Variants in MRPL44 observed in about 807,000 individuals in gnomAD.
MRPL44 encodes the protein mitochondrial ribosomal protein L44.
MRPL44 carries 21 observed loss-of-function variants against 25.9 expected under a neutral mutation model. The observed-to-expected ratio is 0.81, with a 90% CI of 0.58 to 1.17. The LOEUF is 1.17. Among genes scored for constraint, MRPL44 ranks in the 50% most tolerant of loss-of-function variants. The pLI is 0.00. For missense variants in MRPL44, 410 were observed against 398.9 expected (o/e 1.03, Z -0.24); for synonymous variants, 169 against 151.0 (o/e 1.12, Z -0.87).
At chr2:223,960,086 T>A in intron 2 of MRPL44, 84 bp downstream of exon 2, 1 of 1,147,298 alleles carries the variant, frequency 8.7e-7, no homozygotes, top group Non-Finnish European at 1.2e-6. Context: ...TATATCACCT[T>A]GGAAGTGAAT....
At chr2:223,966,175 G>A (rs1689737941) in intron 3 of MRPL44, among the ~76,000 whole-genome samples, 1 of 151,210 alleles carries the variant, frequency 6.6e-6, no homozygotes, top group African/African-American at 2.4e-5. Flanking sequence ...GGCGGAGCCT[G>A]CAGTGAGCCA....
In MRPL44 at chr2:223,957,769, T is replaced by C; in HGVS notation, c.179+118T>C. 13 of 1,195,878 alleles carry C rather than the reference T, an allele frequency of 1.1e-5. No homozygotes were observed. In the South Asian group the frequency reaches 2.0e-4, roughly 19 times the overall value. 74.1% of individuals were successfully genotyped at this position (1,195,878 alleles called of 1,614,324 possible). A position where few individuals can be genotyped will look rare whatever the true frequency, so the allele number is the denominator to read the frequency against. On this transcript the variant is annotated intron_variant, in intron 1 of 3. Transcript: ENST00000258383. ...GGGTTAAGCCTTAGGAAGTTTGCGATGGAGACACCCGTGAGCTGTGGGCGC... is the reference window on the plus strand; with the variant it reads ...GGGTTAAGCCTTAGGAAGTTTGCGACGGAGACACCCGTGAGCTGTGGGCGC...
chr2:223,962,950 C>T (rs571414188), intron 2 of MRPL44, among the ~76,000 whole-genome samples: 34 of 152,278 alleles, frequency 2.2e-4, no homozygotes, highest in Middle Eastern at 3.4e-3. Context: ...GATCTGCCTG[C>T]CTTGGCCTCC....
rs1271522825 is a variant in MRPL44 at position 223,963,771 on chromosome 2, C to CAA, written c.666_667dup (p.Met223LysfsTer2). 6.3e-7 allele frequency: 1 copy of CAA among 1,599,248 alleles called. No individual in the cohort carries two copies. The highest frequency in any genetic ancestry group is 2.3e-5 in the East Asian group (1 of 44,430). Reference sequence around the variant, plus strand: ...TTATATGCAGGACTTCTTAATTACTCAAATGACTGGAAAAGAGCTCTTTGA... The same window carrying CAA: ...TTATATGCAGGACTTCTTAATTACTCAAAAATGACTGGAAAAGAGCTCTTTGA... On this transcript the variant is annotated frameshift_variant, in exon 3 of 4. Transcript: ENST00000258383. LOFTEE classifies it high-confidence loss of function.
the MRPL44 span, among the ~76,000 whole-genome samples, chr2:223,951,480 T>TTTTTTTGTTTTGTTTTTTG: frequency 7.5e-6 from 1 of 132,700 alleles, no homozygotes; most frequent in African/African-American, 3.5e-5. Context: ...ACCTTGGAGT[T>TTTTTTTGTTTTGTTTTTTG]TTTTTTTTTT....
chr2:223,962,721 C>A (rs1689682928), intron 2 of MRPL44, among the ~76,000 whole-genome samples: 1 of 152,002 alleles, frequency 6.6e-6, no homozygotes, highest in African/African-American at 2.4e-5. Context: ...TTTTTTGAGA[C>A]AGAGTCTTGC....
At chr2:223,958,996 T>C (rs1209700463) in intron 1 of MRPL44, among the ~76,000 whole-genome samples, 3 of 152,204 alleles carry the variant, frequency 2.0e-5, no homozygotes, top group Non-Finnish European at 4.4e-5. Context: ...GCAATAAATC[T>C]GTGAAGCACA....
chr2:223,966,828 A>G (rs771821633), intron 3 of MRPL44, 35 bp from the exon 4 acceptor site: 47 of 1,584,426 alleles, frequency 3.0e-5, no homozygotes, highest in Non-Finnish European at 3.7e-5. Context: ...ACAATATTCC[A>G]TGTAATTTAA....
chr2:223,958,209 TTAA>T (rs773742078), intron 1 of MRPL44, among the ~76,000 whole-genome samples: 11 of 152,208 alleles, frequency 7.2e-5, no homozygotes, highest in Non-Finnish European at 1.3e-4. Flanking sequence ...CTTTTTCTCT[TTAA>T]TAATGTGTGT....
At chr2:223,965,276 A>G (rs1689723823) in intron 3 of MRPL44, among the ~76,000 whole-genome samples, 1 of 152,216 alleles carries the variant, frequency 6.6e-6, no homozygotes, top group African/African-American at 2.4e-5. Flanking sequence ...GTTTAACTTA[A>G]TAGAACCTTT....
At chr2:223,955,618 T>C (rs1453217458), upstream of MRPL44, among the ~76,000 whole-genome samples, 1 of 152,158 alleles carries the variant, frequency 6.6e-6, no homozygotes, top group Non-Finnish European at 1.5e-5. Context: ...AAGTGAACCC[T>C]CAATCGCCTC....
At chr2:223,959,191 C>T (rs114793971) in intron 1 of MRPL44, among the ~76,000 whole-genome samples, 15 of 152,152 alleles carry the variant, frequency 9.9e-5, no homozygotes, top group Non-Finnish European at 2.1e-4. Flanking sequence ...AACATTTATG[C>T]TTCATACTTA....
chr2:223,963,733 A>G (rs758779726), intron 2 of MRPL44, 23 bp from the exon 3 acceptor site: 8 of 1,458,584 alleles, frequency 5.5e-6, no homozygotes, highest in Middle Eastern at 2.0e-4. Flanking sequence ...ATTAAAATGT[A>G]TAAATTATAT....
At chr2:223,962,302 A>G (rs926366476) in intron 2 of MRPL44, among the ~76,000 whole-genome samples, 1 of 152,184 alleles carries the variant, frequency 6.6e-6, no homozygotes, top group African/African-American at 2.4e-5. Flanking sequence ...TGCTGGGATT[A>G]TAGGTATCAG....
rs1462648841 is a variant in MRPL44, at chr2:223,966,944, ACTT to A, written c.910_912del (p.Leu304del). ...AGGCTGCTCGAGTGGCCCTTAGAAA[ACTT>A]TATGGATTCACAGAAAATAGACGGC... On this transcript the variant is annotated inframe_deletion, in exon 4 of 4. Transcript: ENST00000258383. 3 of 1,614,192 alleles carry A rather than the reference ACTT, an allele frequency of 1.9e-6. No individual in the cohort carries two copies. Among genetic ancestry groups the A allele is most frequent in the Non-Finnish European group, 2.5e-6 (3 of 1,180,028 alleles).
upstream of MRPL44, among the ~76,000 whole-genome samples, chr2:223,955,538 C>A (rs1358502637): frequency 4.6e-5 from 7 of 152,154 alleles, no homozygotes; most frequent in Non-Finnish European, 7.3e-5. Flanking sequence ...CTGCCTTCAC[C>A]ATCATTGAAG....
upstream of MRPL44, among the ~76,000 whole-genome samples, chr2:223,954,578 C>T (rs540738878): frequency 6.6e-6 from 1 of 152,216 alleles, no homozygotes; most frequent in South Asian, 2.1e-4. Context: ...CATTCATTCA[C>T]ATGGCTGTTA....
upstream of MRPL44, among the ~76,000 whole-genome samples, chr2:223,956,777 C>T (rs376200133): frequency 1.7e-4 from 26 of 152,274 alleles, no homozygotes; most frequent in African/African-American, 6.0e-4. Context: ...AAAAATTGTA[C>T]TGTATTAACA....
intron 3 of MRPL44, 68 bp downstream of exon 3, chr2:223,964,002 C>G (rs1689706251): frequency 8.1e-7 from 1 of 1,239,426 alleles, no homozygotes; most frequent in African/African-American, 1.5e-5. Context: ...CTCACAAAGC[C>G]TTAAAAACAC....
Sources: gnomAD v4.1 joint callset for allele counts (sites outside exome capture counted in the v4.1 genomes callset) on GRCh38, gnomAD v4.1.1 for gene constraint, MANE v1.5 for transcripts, NCBI Gene and HGNC (gene_info 2026-07-23, HGNC 2026-07-21) for gene names.